The following MOB4 variants were observed in gnomAD, a reference collection of about 807,000 sequenced individuals.
The protein encoded by MOB4 is MOB family member 4, phocein.
A neutral mutation model predicts 32.2 loss-of-function variants in MOB4; 4 were observed. The observed-to-expected ratio is 0.12, with a 90% CI of 0.06 to 0.28. The LOEUF (loss-of-function observed/expected upper bound fraction) is 0.28, where lower values mean the gene tolerates loss of function less well. Among genes scored for constraint, MOB4 ranks in the 10% least tolerant of loss-of-function variants. The pLI, the probability that MOB4 is intolerant of heterozygous loss-of-function variation, is 1.00. For missense variants in MOB4, 158 were observed against 271.2 expected (o/e 0.58, Z 2.93); for synonymous variants, 88 against 88.1 (o/e 1.00, Z 0.01).
In MOB4 at chr2:197,552,184, A is replaced by G. The variant is rs2087110404; in HGVS notation, c.*1538A>G. ...GTCTTTTTGGCTTTGAACACTGCCCATCAGCTACAGTCATTACTGTTCCCC... is the reference window on the plus strand; with the variant it reads ...GTCTTTTTGGCTTTGAACACTGCCCGTCAGCTACAGTCATTACTGTTCCCC... On this transcript the variant is annotated 3_prime_UTR_variant, in exon 8 of 8. Coordinates refer to ENST00000323303, the MANE Select transcript of MOB4 (RefSeq NM_015387.5). 6.6e-6 allele frequency: 1 copy of G among 152,338 alleles called. No homozygotes were observed. Among genetic ancestry groups the G allele is most frequent in the East Asian group, 1.9e-4 (1 of 5,338 alleles). 9.4% of individuals were successfully genotyped at this position (152,338 alleles called of 1,614,324 possible).
At chr2:197,525,902 A>T (rs1265053148) in intron 2 of MOB4, among the ~76,000 whole-genome samples, 1 of 152,088 alleles carries the variant, frequency 6.6e-6, no homozygotes, top group African/African-American at 2.4e-5. Flanking sequence ...AATAGGGGGA[A>T]GTGTCCTGTT....
chr2:197,534,475 A>G (rs929505863), intron 2 of MOB4, among the ~76,000 whole-genome samples: 2 of 152,226 alleles, frequency 1.3e-5, no homozygotes, highest in East Asian at 1.9e-4. Flanking sequence ...ACAAATCCCT[A>G]TACAGTTAGA....
At chr2:197,523,564 A>G (rs2086558655) in intron 1 of MOB4, 60 bp from the exon 2 acceptor site, 1 of 1,532,464 alleles carries the variant, frequency 6.5e-7, no homozygotes, top group African/African-American at 1.4e-5. Flanking sequence ...CTTTATTAAG[A>G]ATTGAAGTTA....
At chr2:197,529,338 T>A (rs930091471) in intron 2 of MOB4, among the ~76,000 whole-genome samples, 5 of 151,844 alleles carry the variant, frequency 3.3e-5, no homozygotes, top group Middle Eastern at 3.2e-3. Flanking sequence ...AGCACATTTT[T>A]ATTTTTATTT....
rs2087129206 is a variant in MOB4, at chr2:197,553,424, C to T, written c.*2778C>T. The T allele has an allele frequency of 6.6e-6, 1 of 150,418 alleles. No individual in the cohort carries two copies. Among genetic ancestry groups the T allele is most frequent in the South Asian group, 2.1e-4 (1 of 4,792 alleles). The allele number at this position is 150,418 out of a possible 1,614,324, so 9.3% of individuals were successfully genotyped here. A position where few individuals can be genotyped will look rare whatever the true frequency, so the allele number is the denominator to read the frequency against. On this transcript the variant is annotated 3_prime_UTR_variant, in exon 8 of 8. Coordinates refer to ENST00000323303, the MANE Select transcript of MOB4 (RefSeq NM_015387.5). Reference sequence around the variant, plus strand: ...CAAAACTCCGTCTCAAAAACTCCGTCTCAAAAAAAAAAAATCCTTGATTAC... The same window carrying T: ...CAAAACTCCGTCTCAAAAACTCCGTTTCAAAAAAAAAAAATCCTTGATTAC...
At chr2:197,527,432 C>G (rs1367659414) in intron 2 of MOB4, among the ~76,000 whole-genome samples, 1 of 152,124 alleles carries the variant, frequency 6.6e-6, no homozygotes, top group Admixed American at 6.5e-5. Context: ...TTGCTTTCTT[C>G]CTTTTTAGAT....
chr2:197,548,792 C>A (rs927500856), intron 6 of MOB4, among the ~76,000 whole-genome samples: 1 of 152,070 alleles, frequency 6.6e-6, no homozygotes, highest in Non-Finnish European at 1.5e-5. Flanking sequence ...AAGGCCAGTT[C>A]AGTCTAAGGC....
chr2:197,522,316 T>G (rs2086534695), intron 1 of MOB4, among the ~76,000 whole-genome samples: 2 of 146,494 alleles, frequency 1.4e-5, no homozygotes, highest in South Asian at 2.1e-4. Flanking sequence ...TACCCATGGG[T>G]GATTACCTTT....
intron 1 of MOB4, among the ~76,000 whole-genome samples, 162 bp from the exon 2 acceptor site, chr2:197,523,462 A>C (rs2086557358): frequency 6.6e-6 from 1 of 152,204 alleles, no homozygotes; most frequent in South Asian, 2.1e-4. Context: ...CCCTGTCTGT[A>C]AAAAAGAAAA....
At chr2:197,549,859 T>TAAAAA (rs573507195) in intron 6 of MOB4, among the ~76,000 whole-genome samples, 45 of 84,680 alleles carry the variant, frequency 5.3e-4, no homozygotes, top group East Asian at 7.0e-4. Context: ...CCTTAATTTC[T>TAAAAA]AAAAAAAAAA....
chr2:197,518,719 C>T (rs1278846391), intron 1 of MOB4, among the ~76,000 whole-genome samples: 1 of 151,944 alleles, frequency 6.6e-6, no homozygotes, highest in Non-Finnish European at 1.5e-5. Flanking sequence ...CCTGCCACCA[C>T]GCCCGGCTAA....
At chr2:197,530,375 T>C (rs7601800) in intron 2 of MOB4, among the ~76,000 whole-genome samples, 101,426 of 151,600 alleles carry the variant, frequency 0.67, 34,207 homozygotes, top group Middle Eastern at 0.85. Flanking sequence ...TTAAGAGATT[T>C]TCTCACCTCA....
At chr2:197,527,744 T>G (rs2086633282) in intron 2 of MOB4, among the ~76,000 whole-genome samples, 1 of 152,236 alleles carries the variant, frequency 6.6e-6, no homozygotes, top group Non-Finnish European at 1.5e-5. Context: ...TTTTTCACCC[T>G]TGAGTCTGAG....
chr2:197,551,572 A>C lies in MOB4; in HGVS notation c.*926A>C, dbSNP rs1168634300. 6.5e-6 allele frequency: 1 copy of C among 152,756 alleles called. No homozygotes were observed. The highest frequency in any genetic ancestry group is 1.9e-4 in the East Asian group (1 of 5,342). 9.5% of individuals were successfully genotyped at this position (152,756 alleles called of 1,614,324 possible). Reference sequence around the variant, plus strand: ...GTTCTACTTAGAAAACAGTCCTTAAAATAGTTTGACTCTTCCTGTTAGTAA... The same window carrying C: ...GTTCTACTTAGAAAACAGTCCTTAACATAGTTTGACTCTTCCTGTTAGTAA... On this transcript the variant is annotated 3_prime_UTR_variant, in exon 8 of 8. Transcript: ENST00000323303.
chr2:197,525,246 T>G (rs1193423292), intron 2 of MOB4, among the ~76,000 whole-genome samples: 1 of 140,232 alleles, frequency 7.1e-6, no homozygotes, highest in Non-Finnish European at 1.5e-5. Flanking sequence ...ACTCGGGGGC[T>G]GAGGCAGGAG....
chr2:197,542,563 A>T (rs753275515), intron 5 of MOB4, among the ~76,000 whole-genome samples: 2 of 152,216 alleles, frequency 1.3e-5, no homozygotes, highest in Non-Finnish European at 2.9e-5. Flanking sequence ...TATCCTTGAG[A>T]ATTAAAGAGA....
At chr2:197,530,534 A>G (rs1290927223) in intron 2 of MOB4, among the ~76,000 whole-genome samples, 1 of 151,748 alleles carries the variant, frequency 6.6e-6, no homozygotes, top group Non-Finnish European at 1.5e-5. Flanking sequence ...TAAGTTTTTC[A>G]GCACTTTAAA....
chr2:197,533,344 G>A (rs1011019291), intron 2 of MOB4, among the ~76,000 whole-genome samples: 1 of 152,074 alleles, frequency 6.6e-6, no homozygotes, highest in Non-Finnish European at 1.5e-5. Flanking sequence ...ATCTCCTCAA[G>A]GAGAGAGAGA....
chr2:197,533,452 C>A (rs564377293), intron 2 of MOB4, among the ~76,000 whole-genome samples: 1 of 151,942 alleles, frequency 6.6e-6, no homozygotes, highest in African/African-American at 2.4e-5. Context: ...AGGCTGGGTA[C>A]GGTGGCTCAT....
Sources: gnomAD v4.1 joint callset for allele counts (sites outside exome capture counted in the v4.1 genomes callset) on GRCh38, gnomAD v4.1.1 for gene constraint, MANE v1.5 for transcripts, NCBI Gene and HGNC (gene_info 2026-07-23, HGNC 2026-07-21) for gene names.